RTN3: variants seen among roughly 807,000 people sequenced by gnomAD.
RTN3 encodes reticulon-3.
RTN3 carries 49 observed loss-of-function variants against 77.8 expected under a neutral mutation model. That is an observed-to-expected ratio of 0.63 (90% CI 0.50 to 0.80). RTN3 has a LOEUF of 0.80. RTN3 is among the 30% of genes least tolerant of loss of function. RTN3 has a pLI of 0.00. For synonymous variants in RTN3, 464 were observed against 446.9 expected, an observed-to-expected ratio of 1.04 and a Z score of -0.48; for missense variants, 1,236 against 1,211.9, an observed-to-expected ratio of 1.02 and a Z score of -0.29.
At chr11:63,709,034 G>T (rs116994690) in intron 2 of RTN3, among the ~76,000 whole-genome samples, 119 of 152,256 alleles carry the variant, frequency 7.8e-4, no homozygotes, top group Non-Finnish European at 3.8e-4. Flanking sequence ...CAATTGAAAT[G>T]ACTTGAAAAT....
At chr11:63,704,733 T>C (rs925784028) in intron 1 of RTN3, 118 bp from the exon 2 acceptor site, 1 of 657,798 alleles carries the variant, frequency 1.5e-6, no homozygotes. Context: ...TGAGTTTTCC[T>C]CCTTGTTAAA....
chr11:63,691,291 T>G (rs1941644560), intron 1 of RTN3, among the ~76,000 whole-genome samples: 1 of 151,982 alleles, frequency 6.6e-6, no homozygotes, highest in South Asian at 2.1e-4. Context: ...CAGCTAATTT[T>G]TGTATTTTTA....
intron 2 of RTN3, chr11:63,714,398 T>G (rs1224012676): frequency 6.1e-6 from 1 of 162,820 alleles, no homozygotes; most frequent in African/African-American, 2.4e-5. Context: ...ATACCCTAAA[T>G]AGTAAGTTAT....
chr11:63,753,290 T>C (rs2014199325), intron 6 of RTN3, 152 bp downstream of exon 6: 1 of 695,544 alleles, frequency 1.4e-6, no homozygotes, highest in Admixed American at 2.9e-5. Context: ...AACCGGAGTT[T>C]GTGGTCACAG....
At chr11:63,755,890 T>C (rs1329925911) in intron 7 of RTN3, among the ~76,000 whole-genome samples, 10 of 146,232 alleles carry the variant, frequency 6.8e-5, no homozygotes, top group Non-Finnish European at 1.3e-4. Context: ...ACCCGGGAGG[T>C]GGAGCTTGCA....
At position 63,758,614 on chromosome 11, in the gene RTN3, T is replaced by A. The variant is rs112912318; in HGVS notation, c.*413T>A. 35 of 396,412 alleles carry A rather than the reference T, an allele frequency of 8.8e-5. No homozygotes were observed. The South Asian group carries it at 2.9e-3, about 33-fold the overall frequency. 24.6% of individuals were successfully genotyped at this position (396,412 alleles called of 1,614,324 possible). ...CCCTTAAGAAGTCATGATTAACTTA[T>A]GAAAAAATTATTTGGGGACAGGAGT... On this transcript the variant is annotated 3_prime_UTR_variant, in exon 9 of 9. Transcript: ENST00000377819.
At chr11:63,753,238 C>T (rs1271797248) in intron 6 of RTN3, 100 bp downstream of exon 6, 19 of 1,152,398 alleles carry the variant, frequency 1.6e-5, no homozygotes, top group Non-Finnish European at 2.4e-5. Flanking sequence ...CTTCATTGCC[C>T]AGTCTTGACC....
chr11:63,723,676 G>T (rs923020905), intron 3 of RTN3, among the ~76,000 whole-genome samples: 3 of 152,032 alleles, frequency 2.0e-5, no homozygotes, highest in Admixed American at 1.3e-4. Flanking sequence ...ATCCGCCTGC[G>T]TTGGCCTCTC....
intron 3 of RTN3, among the ~76,000 whole-genome samples, chr11:63,740,396 C>T (rs1305475333): frequency 1.3e-5 from 2 of 151,686 alleles, no homozygotes; most frequent in African/African-American, 4.8e-5. Context: ...ATTCTCCTGC[C>T]TCAGCCTCCC....
intron 2 of RTN3, among the ~76,000 whole-genome samples, chr11:63,713,008 T>C (rs1320424488): frequency 4.6e-5 from 7 of 152,004 alleles, no homozygotes; most frequent in Admixed American, 3.9e-4. Flanking sequence ...GGCAGGAGAA[T>C]CGCTTGAACC....
At chr11:63,734,120 A>G (rs1468412631) in intron 3 of RTN3, among the ~76,000 whole-genome samples, 1 of 152,180 alleles carries the variant, frequency 6.6e-6, no homozygotes, top group Admixed American at 6.6e-5. Flanking sequence ...GTCATCCTTA[A>G]TACTGAAATG....
intron 1 of RTN3, among the ~76,000 whole-genome samples, chr11:63,683,789 T>C (rs1209876696): frequency 6.6e-6 from 1 of 152,152 alleles, no homozygotes; most frequent in Admixed American, 6.6e-5. Context: ...CTCTTTATAA[T>C]AGTGGAAAAG....
At chr11:63,690,585 G>A (rs1941603642) in intron 1 of RTN3, among the ~76,000 whole-genome samples, 1 of 152,150 alleles carries the variant, frequency 6.6e-6, no homozygotes, top group Non-Finnish European at 1.5e-5. Context: ...AAGATTTGAA[G>A]CAACATGTAG....
At position 63,753,048 on chromosome 11, in the gene RTN3, CT is replaced by C. The variant is rs1463661447; in HGVS notation, c.2878-17del. The C allele has an allele frequency of 6.2e-7, 1 of 1,611,968 alleles. No individual in the cohort carries two copies. The highest frequency in any genetic ancestry group is 8.5e-7 in the Non-Finnish European group (1 of 1,178,798). On this transcript the variant is annotated intron_variant, in intron 5 of 8. Transcript: ENST00000377819. The stretch of plus-strand genomic sequence containing the variant: ...TTGCCTTACGGTTATTCCTGCTTAA[CT>C]TTTGATATGGCCTTCACAGCTGGCT...
chr11:63,712,160 A>G (rs1240337535), intron 2 of RTN3, among the ~76,000 whole-genome samples: 1 of 152,218 alleles, frequency 6.6e-6, no homozygotes, highest in Non-Finnish European at 1.5e-5. Flanking sequence ...TAGGAGGGAA[A>G]GTGTCTAAAG....
chr11:63,697,656 A>G (rs183733634), intron 1 of RTN3, among the ~76,000 whole-genome samples: 187 of 151,956 alleles, frequency 1.2e-3, no homozygotes, highest in Non-Finnish European at 2.4e-3. Flanking sequence ...TTGTATTTTT[A>G]GTAGAGACAG....
In RTN3 at chr11:63,752,525, C is replaced by T; in HGVS notation, c.2757C>T (p.Asp919=). 2 of 1,613,384 alleles carry T rather than the reference C, an allele frequency of 1.2e-6. No homozygotes were observed. Among genetic ancestry groups the T allele is most frequent in the Non-Finnish European group, 1.7e-6 (2 of 1,179,308 alleles). Residue 919 remains aspartate (D), a synonymous_variant, in exon 5 of 9, where the codon GAC becomes GAT. Transcript: ENST00000377819. ...GHPFKAYLDV[D]ITLSSEAFHN... ...CTGGAAGAGCCTACCTGGACGTAGACATTACTCTGTCCTCAGAAGCTTTCC... is the reference window on the plus strand; with the variant it reads ...CTGGAAGAGCCTACCTGGACGTAGATATTACTCTGTCCTCAGAAGCTTTCC...
chr11:63,733,055 C>G (rs2012805523), intron 3 of RTN3, among the ~76,000 whole-genome samples: 1 of 152,094 alleles, frequency 6.6e-6, no homozygotes, highest in South Asian at 2.1e-4. Context: ...TGGCTCACGC[C>G]TATAATCCTA....
chr11:63,706,788 G>A (rs1199419415), intron 2 of RTN3, among the ~76,000 whole-genome samples: 1 of 151,796 alleles, frequency 6.6e-6, no homozygotes, highest in Non-Finnish European at 1.5e-5. Context: ...TTCTACTGTG[G>A]AAGAAAAATA....
Sources: allele counts gnomAD v4.1 joint callset (sites outside exome capture counted in the v4.1 genomes callset), GRCh38; gene constraint gnomAD v4.1.1; transcripts MANE v1.5; gene names NCBI Gene and HGNC (gene_info 2026-07-23, HGNC 2026-07-21).